Variants in CSMD1 observed in about 807,000 individuals in gnomAD.
CSMD1 encodes the protein CUB and sushi domain-containing protein 1.
Under a neutral mutation model 417.5 loss-of-function variants are expected in CSMD1, and 213 were observed. That is an observed-to-expected ratio of 0.51 (90% CI 0.46 to 0.57). The LOEUF is 0.57. Among genes scored for constraint, CSMD1 ranks in the 20% least tolerant of loss-of-function variants. CSMD1 has a pLI of 0.00. For synonymous variants in CSMD1, 2,862 were observed against 1,736.8 expected, an observed-to-expected ratio of 1.65 and a Z score of -16.11; for missense variants, 6,923 against 4,529.7, an observed-to-expected ratio of 1.53 and a Z score of -15.17.
chr8:3,694,571 C>T (rs1398230730), intron 7 of CSMD1, among the ~76,000 whole-genome samples: 3 of 151,848 alleles, frequency 2.0e-5, no homozygotes, highest in Non-Finnish European at 2.9e-5. Context: ...AAGGCCAGGC[C>T]CGAGACTCCC....
intron 5 of CSMD1, among the ~76,000 whole-genome samples, chr8:3,806,556 T>A (rs1343345793): frequency 1.3e-5 from 2 of 152,140 alleles, no homozygotes; most frequent in South Asian, 2.1e-4. Context: ...ACACGCACAC[T>A]TATCATAGAA....
intron 3 of CSMD1, among the ~76,000 whole-genome samples, chr8:4,263,325 G>A (rs900184824): frequency 3.9e-5 from 6 of 152,144 alleles, no homozygotes; most frequent in Non-Finnish European, 5.9e-5. Flanking sequence ...AGGGGCCTCT[G>A]TGACTTCTTT....
At chr8:3,318,539 A>G (rs759881403) in intron 23 of CSMD1, among the ~76,000 whole-genome samples, 6 of 152,234 alleles carry the variant, frequency 3.9e-5, no homozygotes, top group Non-Finnish European at 5.9e-5. Context: ...AAGGATGCCC[A>G]TTCATTAATT....
At chr8:3,750,665 T>A (rs1729672354) in intron 6 of CSMD1, among the ~76,000 whole-genome samples, 1 of 152,136 alleles carries the variant, frequency 6.6e-6, no homozygotes, top group Non-Finnish European at 1.5e-5. Flanking sequence ...TTTCCCTGCT[T>A]GACAGAAGGT....
intron 23 of CSMD1, among the ~76,000 whole-genome samples, chr8:3,338,929 C>T (rs1807457905): frequency 6.6e-6 from 1 of 151,416 alleles, no homozygotes; most frequent in Non-Finnish European, 1.5e-5. Flanking sequence ...TGGTGCGCTG[C>T]ACCCACTAAC....
chr8:4,029,512 T>C (rs145877014), intron 4 of CSMD1, among the ~76,000 whole-genome samples: 4 of 152,246 alleles, frequency 2.6e-5, no homozygotes, highest in Non-Finnish European at 5.9e-5. Flanking sequence ...ACTTATTCAC[T>C]ATCACAAGAA....
intron 40 of CSMD1, among the ~76,000 whole-genome samples, chr8:3,148,062 T>G (rs141497812): frequency 1.4e-4 from 22 of 152,236 alleles, no homozygotes; most frequent in African/African-American, 4.8e-4. Flanking sequence ...TCCCTGCTTG[T>G]CCCATTAGGA....
rs545489495 is a variant in CSMD1, at chr8:4,145,035, G to A, written c.416-112936C>T. Among the ~76,000 whole-genome samples, 80 of 151,070 alleles carry A rather than the reference G, an allele frequency of 5.3e-4. 7 individuals are homozygous for A. In the Middle Eastern group the frequency reaches 0.014, roughly 26 times the overall value. On this transcript the variant is annotated intron_variant, in intron 3 of 69. Transcript: ENST00000635120. ...AATAATAATTATCTTCTACTTTTCC[G>A]CTTTTAAAATATTTTTAAATGTTTC...
intron 28 of CSMD1, among the ~76,000 whole-genome samples, chr8:3,222,468 C>G (rs1001505875): frequency 6.6e-6 from 1 of 152,020 alleles, no homozygotes; most frequent in Non-Finnish European, 1.5e-5. Flanking sequence ...CACAAGCACA[C>G]CAAGCCAATT....
At chr8:4,172,126 A>G (rs1178706611) in intron 3 of CSMD1, among the ~76,000 whole-genome samples, 1 of 152,198 alleles carries the variant, frequency 6.6e-6, no homozygotes, top group Non-Finnish European at 1.5e-5. Flanking sequence ...CAGTAGGTGC[A>G]TGACTACCTA....
chr8:3,141,331 C>A (rs905348790), intron 41 of CSMD1, among the ~76,000 whole-genome samples: 4 of 152,164 alleles, frequency 2.6e-5, no homozygotes, highest in African/African-American at 9.7e-5. Context: ...TTGCTTCTAA[C>A]CTTTAAGCTG....
intron 4 of CSMD1, among the ~76,000 whole-genome samples, chr8:4,022,378 T>G (rs1281543388): frequency 1.3e-5 from 2 of 152,018 alleles, no homozygotes; most frequent in Non-Finnish European, 1.5e-5. Context: ...AGCAACACTG[T>G]AAAAATTATG....
intron 3 of CSMD1, among the ~76,000 whole-genome samples, chr8:4,155,374 C>T (rs1796778989): frequency 6.6e-6 from 1 of 152,198 alleles, no homozygotes; most frequent in Non-Finnish European, 1.5e-5. Flanking sequence ...GCTTCTAATG[C>T]TCTGCTGTAG....
At chr8:3,942,919 T>C (rs1376350390) in intron 5 of CSMD1, among the ~76,000 whole-genome samples, 2 of 152,154 alleles carry the variant, frequency 1.3e-5, no homozygotes, top group African/African-American at 4.8e-5. Context: ...TTTTGTCTTT[T>C]AATTTAAAAA....
chr8:4,935,409 G>A (rs1807546476), intron 1 of CSMD1, among the ~76,000 whole-genome samples: 1 of 152,212 alleles, frequency 6.6e-6, no homozygotes, highest in Admixed American at 6.5e-5. Context: ...ATTACTCTGT[G>A]TTGAAGTTAC....
intron 5 of CSMD1, among the ~76,000 whole-genome samples, chr8:3,968,274 G>A (rs758833236): frequency 2.0e-5 from 3 of 151,980 alleles, no homozygotes; most frequent in Non-Finnish European, 4.4e-5. Context: ...GGTATAGGTA[G>A]TATGAGTATT....
At chr8:4,747,730 C>T (rs34255247) in intron 1 of CSMD1, among the ~76,000 whole-genome samples, 12,513 of 152,188 alleles carry the variant, frequency 0.082, 602 homozygotes, top group Non-Finnish European at 0.11. Context: ...GAATGAGATG[C>T]CAATGTCCTG....
chr8:4,747,981 G>C (rs980329258), intron 1 of CSMD1, among the ~76,000 whole-genome samples: 1 of 152,094 alleles, frequency 6.6e-6, no homozygotes, highest in African/African-American at 2.4e-5. Flanking sequence ...CCGTATATTG[G>C]CTCTGCTGAT....
At chr8:4,425,187 C>T (rs766330119) in intron 2 of CSMD1, among the ~76,000 whole-genome samples, 4 of 151,618 alleles carry the variant, frequency 2.6e-5, no homozygotes, top group African/African-American at 4.8e-5. Context: ...ATTGTGATTA[C>T]GAAGGGGTGT....
Sources: gnomAD v4.1 joint callset for allele counts (sites outside exome capture counted in the v4.1 genomes callset) on GRCh38, gnomAD v4.1.1 for gene constraint, MANE v1.5 for transcripts, NCBI Gene and HGNC (gene_info 2026-07-23, HGNC 2026-07-21) for gene names.